The following AFAP1 variants were observed in gnomAD, a reference collection of about 807,000 sequenced individuals.
AFAP1 encodes actin filament-associated protein 1.
AFAP1 carries 75 observed loss-of-function variants against 93.9 expected under a neutral mutation model. The ratio of observed to expected loss-of-function variants is 0.80; its 90% CI spans 0.66 to 0.97. The LOEUF is 0.97. Ranked by LOEUF, AFAP1 falls within the 50% of genes least tolerant of loss-of-function variation. The pLI, the probability that AFAP1 is intolerant of heterozygous loss-of-function variation, is 0.00. For synonymous variants in AFAP1, 517 were observed against 430.7 expected, an observed-to-expected ratio of 1.20 and a Z score of -2.48; for missense variants, 1,201 against 1,050.8, an observed-to-expected ratio of 1.14 and a Z score of -1.98.
At chr4:7,865,802 C>T (rs1458063048) in intron 3 of AFAP1, among the ~76,000 whole-genome samples, 1 of 152,248 alleles carries the variant, frequency 6.6e-6, no homozygotes, top group South Asian at 2.1e-4. Flanking sequence ...GAGGGCACTG[C>T]AGCAGCACTA....
intron 5 of AFAP1, among the ~76,000 whole-genome samples, chr4:7,839,380 A>ATAAAT (rs1560191024): frequency 3.5e-5 from 4 of 112,762 alleles, no homozygotes; most frequent in African/African-American, 1.5e-4. Flanking sequence ...AACACACACA[A>ATAAAT]ATATATATTT....
intron 4 of AFAP1, among the ~76,000 whole-genome samples, chr4:7,848,662 A>T (rs985766037): frequency 4.0e-5 from 6 of 151,700 alleles, no homozygotes; most frequent in African/African-American, 1.5e-4. Context: ...CGTGTGGACC[A>T]CTCAGACCCA....
intron 3 of AFAP1, among the ~76,000 whole-genome samples, chr4:7,864,349 C>A (rs938663299): frequency 5.3e-5 from 8 of 152,196 alleles, no homozygotes; most frequent in African/African-American, 1.9e-4. Flanking sequence ...CTACCAGTCC[C>A]GTCCTGACCC....
At chr4:7,842,921 C>T in intron 5 of AFAP1, 1 of 540,076 alleles carries the variant, frequency 1.9e-6, no homozygotes, top group East Asian at 3.1e-5. Flanking sequence ...GCTTTTGGAG[C>T]TGGGAAACCG....
At chr4:7,903,394 C>G (rs1366500108) in intron 1 of AFAP1, among the ~76,000 whole-genome samples, 11 of 152,206 alleles carry the variant, frequency 7.2e-5, no homozygotes, top group Non-Finnish European at 1.3e-4. Context: ...AAAGTGGAAA[C>G]AGCGACCAGG....
At chr4:7,911,643 A>G (rs1486136537) in intron 1 of AFAP1, among the ~76,000 whole-genome samples, 1 of 152,172 alleles carries the variant, frequency 6.6e-6, no homozygotes, top group East Asian at 1.9e-4. Flanking sequence ...TATGAAACCA[A>G]AACTTTCCCA....
At chr4:7,765,446 T>C (rs143049474) in intron 17 of AFAP1, among the ~76,000 whole-genome samples, 3 of 152,308 alleles carry the variant, frequency 2.0e-5, no homozygotes, top group East Asian at 1.9e-4. Flanking sequence ...GTCACAGCAA[T>C]AGATGTACCT....
At chr4:7,936,582 A>ATTTT (rs56364092) in intron 1 of AFAP1, among the ~76,000 whole-genome samples, 6 of 135,538 alleles carry the variant, frequency 4.4e-5, no homozygotes, top group Admixed American at 1.5e-4. Context: ...ACAAGCGGTA[A>ATTTT]TTTTTTTTTT....
At chr4:7,793,529 T>A (rs1718089205) in intron 11 of AFAP1, 152 bp downstream of exon 11, 1 of 853,234 alleles carries the variant, frequency 1.2e-6, no homozygotes, top group African/African-American at 1.7e-5. Context: ...GACAAAAACA[T>A]TTCTGCAAAA....
intron 3 of AFAP1, among the ~76,000 whole-genome samples, chr4:7,866,000 G>A (rs1339481907): frequency 3.3e-5 from 5 of 152,192 alleles, no homozygotes; most frequent in African/African-American, 1.2e-4. Flanking sequence ...GGGTTCAAGC[G>A]ATTCTCCTGC....
intron 6 of AFAP1, among the ~76,000 whole-genome samples, chr4:7,820,606 C>CGA (rs200217870): frequency 6.6e-6 from 1 of 151,356 alleles, no homozygotes; most frequent in Non-Finnish European, 1.5e-5. Flanking sequence ...GGAGATGAGC[C>CGA]GAGAGAGAGA....
intron 6 of AFAP1, among the ~76,000 whole-genome samples, chr4:7,831,038 A>G (rs10015667): frequency 0.72 from 108,997 of 152,038 alleles, 39,658 homozygotes; most frequent in African/African-American, 0.8. Flanking sequence ...ATATAAAAAT[A>G]ATACAAAGTA....
rs1333150545 is a variant in AFAP1 at position 7,855,646 on chromosome 4, C to T, written c.226-72G>A. On this transcript the variant is annotated intron_variant, in intron 3 of 17. Coordinates refer to ENST00000420658, the MANE Select transcript of AFAP1 (RefSeq NM_001134647.2). ...AAGGAAATTCTGGATTTCCAATTAACAGGTGTGGCCAGTCTTTTCCTCTTT... is the reference window on the plus strand; with the variant it reads ...AAGGAAATTCTGGATTTCCAATTAATAGGTGTGGCCAGTCTTTTCCTCTTT... 55 of 1,165,506 alleles carry T rather than the reference C, an allele frequency of 4.7e-5. No individual in the cohort carries two copies. The South Asian group carries it at 5.8e-4, about 12-fold the overall frequency. The allele number at this position is 1,165,506 out of a possible 1,614,324, so 72.2% of individuals were successfully genotyped here.
chr4:7,773,095 C>T, intron 15 of AFAP1, 85 bp from the exon 16 acceptor site: 2 of 1,493,830 alleles, frequency 1.3e-6, no homozygotes, highest in South Asian at 1.3e-5. Context: ...CCAAGAAGAA[C>T]TTCCACAAAA....
chr4:7,769,959 G>A (rs539152275), intron 16 of AFAP1, among the ~76,000 whole-genome samples: 1 of 152,322 alleles, frequency 6.6e-6, no homozygotes, highest in East Asian at 1.9e-4. Flanking sequence ...TCTGTGTCTG[G>A]CAGAGGCCAG....
intron 3 of AFAP1, among the ~76,000 whole-genome samples, chr4:7,860,429 G>A (rs529640120): frequency 3.9e-5 from 6 of 152,216 alleles, no homozygotes; most frequent in African/African-American, 1.4e-4. Flanking sequence ...ATGTTCATTG[G>A]ACCATTTCCA....
At chr4:7,818,760 T>G (rs536386954) in intron 7 of AFAP1, among the ~76,000 whole-genome samples, 12 of 152,340 alleles carry the variant, frequency 7.9e-5, no homozygotes, top group Admixed American at 1.3e-4. Flanking sequence ...GCCTGCTGTA[T>G]TCCGGAAGTA....
intron 1 of AFAP1, among the ~76,000 whole-genome samples, chr4:7,937,865 C>A (rs546324427): frequency 5.9e-5 from 9 of 152,270 alleles, no homozygotes; most frequent in African/African-American, 1.9e-4. Flanking sequence ...AATCTAAAAA[C>A]CCTCTGGAGA....
At chr4:7,872,112 C>T in intron 1 of AFAP1, 32 bp from the exon 2 acceptor site, 3 of 1,611,036 alleles carry the variant, frequency 1.9e-6, no homozygotes, top group Non-Finnish European at 1.7e-6. Flanking sequence ...TATTATTAGA[C>T]CCAGTGATTT....
Sources: gnomAD v4.1 joint callset for allele counts (sites outside exome capture counted in the v4.1 genomes callset) on GRCh38, gnomAD v4.1.1 for gene constraint, MANE v1.5 for transcripts, NCBI Gene and HGNC (gene_info 2026-07-23, HGNC 2026-07-21) for gene names.